Variants in CTNNA1 observed in about 807,000 individuals in gnomAD.
CTNNA1 encodes catenin alpha 1, also known as catenin alpha-1.
A neutral mutation model predicts 98.4 loss-of-function variants in CTNNA1; 37 were observed. That is an observed-to-expected ratio of 0.38 (90% CI 0.29 to 0.49). The LOEUF (loss-of-function observed/expected upper bound fraction) is 0.49. CTNNA1 is among the 20% of genes least tolerant of loss of function. CTNNA1 has a pLI of 0.95. For missense variants in CTNNA1, 761 were observed against 1,147.2 expected, an observed-to-expected ratio of 0.66 and a Z score of 4.86; for synonymous variants, 404 against 413.2, an observed-to-expected ratio of 0.98 and a Z score of 0.27.
chr5:138,917,199 C>G (rs1761983729), intron 10 of CTNNA1, among the ~76,000 whole-genome samples: 1 of 152,178 alleles, frequency 6.6e-6, no homozygotes, highest in Non-Finnish European at 1.5e-5. Context: ...TTCATGAATA[C>G]ATTTTGATAA....
intron 7 of CTNNA1, chr5:138,871,268 T>A (rs1750573262): frequency 6.6e-6 from 1 of 152,230 alleles, no homozygotes; most frequent in Admixed American, 6.5e-5. Context: ...TTTATGTCTT[T>A]TTTCTACATA....
intron 3 of CTNNA1, among the ~76,000 whole-genome samples, chr5:138,804,541 C>T (rs1415087585): frequency 1.3e-5 from 2 of 152,178 alleles, no homozygotes; most frequent in Non-Finnish European, 2.9e-5. Flanking sequence ...TGGCAAATGG[C>T]GATTTCATAT....
intron 7 of CTNNA1, among the ~76,000 whole-genome samples, chr5:138,835,758 GT>G (rs1272072959): frequency 3.9e-5 from 6 of 152,148 alleles, no homozygotes; most frequent in African/African-American, 1.4e-4. Flanking sequence ...CCTTGTGTGG[GT>G]GGTAAGAGGG....
chr5:138,930,756 G>C, intron 15 of CTNNA1, 74 bp from the exon 16 acceptor site: 1 of 1,533,558 alleles, frequency 6.5e-7, no homozygotes, highest in Non-Finnish European at 9.0e-7. Flanking sequence ...GGGCTTTGTG[G>C]ACAATCTTCT....
Position 138,873,127 on chromosome 5 carries a change from C to T in CTNNA1, c.1063-13085C>T, listed in dbSNP as rs1750844179. 1.2e-6 allele frequency: 2 copies of T among 1,613,854 alleles called. No homozygotes were observed. Among genetic ancestry groups the T allele is most frequent in the African/African-American group, 2.7e-5 (2 of 74,918 alleles). On this transcript the variant is annotated intron_variant, in intron 7 of 17. Coordinates refer to ENST00000302763, the MANE Select transcript of CTNNA1 (RefSeq NM_001903.5). The surrounding 1 kb of genome is among the most constrained non-coding windows in gnomAD (Gnocchi z 6.1). ...ATTCATTATACGGTCCTTGGTCTGA[C>T]ATGTTTGACATATGGAGTCGTGTTT...
chr5:138,802,988 G>A (rs1384444115), intron 3 of CTNNA1, among the ~76,000 whole-genome samples: 3 of 151,650 alleles, frequency 2.0e-5, no homozygotes, highest in African/African-American at 4.8e-5. Flanking sequence ...TTTAAATAGA[G>A]ACAGGTTCTC....
chr5:138,864,952 T>C (rs1324049149), intron 7 of CTNNA1, among the ~76,000 whole-genome samples: 1 of 152,012 alleles, frequency 6.6e-6, no homozygotes, highest in African/African-American at 2.4e-5. Flanking sequence ...AAGCTGGGAT[T>C]ACAGGTGCTC....
At chr5:138,834,233 A>G (rs1011671776) in intron 7 of CTNNA1, among the ~76,000 whole-genome samples, 1 of 152,176 alleles carries the variant, frequency 6.6e-6, no homozygotes, top group Non-Finnish European at 1.5e-5. Flanking sequence ...TCTTTTCTTC[A>G]GAATTAGAGT....
chr5:138,921,991 C>T (rs1763011840), intron 11 of CTNNA1, among the ~76,000 whole-genome samples: 1 of 151,770 alleles, frequency 6.6e-6, no homozygotes, highest in Non-Finnish European at 1.5e-5. Context: ...AGGGTAAATC[C>T]TCTACATAAA....
chr5:138,806,601 T>A (rs150273365), intron 3 of CTNNA1, among the ~76,000 whole-genome samples: 1 of 152,272 alleles, frequency 6.6e-6, no homozygotes, highest in Non-Finnish European at 1.5e-5. Context: ...GTTAATCCTC[T>A]TTACTTTGAC....
intron 1 of CTNNA1, among the ~76,000 whole-genome samples, chr5:138,781,272 C>T (rs893088617): frequency 5.9e-5 from 9 of 152,084 alleles, no homozygotes; most frequent in Admixed American, 1.3e-4. Flanking sequence ...AGCTTTTGGC[C>T]GGGTGCGGTG....
In CTNNA1 at chr5:138,809,885, CAAAG is replaced by C. The variant is rs33965382; in HGVS notation, c.302-152_302-149del. 3.7e-3 allele frequency among the ~76,000 whole-genome samples: 570 copies of C among 152,060 alleles called. 6 individuals carry two copies. Among genetic ancestry groups the C allele is most frequent in the African/African-American group, 0.013 (544 of 41,480 alleles). ...TTTTTAGTGATAGCTATAAAACAAACAAAGGAACAGCAAACAACAACAAAAATGA... is the reference window on the plus strand; with the variant it reads ...TTTTTAGTGATAGCTATAAAACAAACGAACAGCAAACAACAACAAAAATGA... On this transcript the variant is annotated intron_variant, in intron 3 of 17. Coordinates refer to ENST00000302763, the MANE Select transcript of CTNNA1 (RefSeq NM_001903.5).
chr5:138,918,995 T>A (rs1040706754), intron 11 of CTNNA1, among the ~76,000 whole-genome samples: 2 of 152,194 alleles, frequency 1.3e-5, no homozygotes, highest in South Asian at 4.1e-4. Flanking sequence ...CACTCTCTCC[T>A]TAGGATGGGT....
chr5:138,914,630 G>A (rs73265417), intron 10 of CTNNA1, among the ~76,000 whole-genome samples: 1,875 of 151,868 alleles, frequency 0.012, 39 homozygotes, highest in African/African-American at 0.038. Flanking sequence ...CCAATCTAGT[G>A]GGCCTGAGTC....
intron 7 of CTNNA1, among the ~76,000 whole-genome samples, chr5:138,864,369 A>G (rs1335816817): frequency 1.3e-5 from 2 of 152,222 alleles, no homozygotes; most frequent in Non-Finnish European, 2.9e-5. Context: ...ACCATTGGCT[A>G]AGTGACTCCT....
chr5:138,767,934 C>T (rs1157381421), intron 1 of CTNNA1, among the ~76,000 whole-genome samples: 1 of 152,130 alleles, frequency 6.6e-6, no homozygotes, highest in African/African-American at 2.4e-5. Flanking sequence ...CCTGGGAGCT[C>T]TTGAGAAATG....
chr5:138,824,646 A>G lies in CTNNA1; in HGVS notation c.705A>G (p.Ala235=). Residue 235 remains alanine, a synonymous_variant, in exon 6 of 18, where the codon GCA becomes GCG. Transcript: ENST00000302763. Reference sequence around the variant, plus strand: ...CATGCCTACAGCACCCTGATGTCGCAGCCTATAAGGCCAACAGGGACCTGA... The same window carrying G: ...CATGCCTACAGCACCCTGATGTCGCGGCCTATAAGGCCAACAGGGACCTGA... The part of the protein sequence containing the change: ...SQACLQHPDV[A]AYKANRDLIY... The G allele has an allele frequency of 6.2e-7, 1 of 1,614,234 alleles. No individual in the cohort carries two copies. Among genetic ancestry groups the G allele is most frequent in the African/African-American group, 1.3e-5 (1 of 75,064 alleles).
intron 7 of CTNNA1, among the ~76,000 whole-genome samples, chr5:138,833,032 G>A (rs981664042): frequency 2.6e-5 from 4 of 152,148 alleles, no homozygotes; most frequent in Non-Finnish European, 5.9e-5. Flanking sequence ...TTTTCCAATA[G>A]TAGAATTTAT....
chr5:138,774,375 G>A (rs1392693546), intron 1 of CTNNA1, among the ~76,000 whole-genome samples: 2 of 152,156 alleles, frequency 1.3e-5, no homozygotes, highest in East Asian at 1.9e-4. Flanking sequence ...CTTCTTGGAA[G>A]TTGTCACTAA....
Sources: allele counts gnomAD v4.1 joint callset (sites outside exome capture counted in the v4.1 genomes callset), GRCh38; gene constraint gnomAD v4.1.1; non-coding constraint Gnocchi (gnomAD v3.1); transcripts MANE v1.5; gene names NCBI Gene and HGNC (gene_info 2026-07-23, HGNC 2026-07-21).